The following CABIN1 variants were observed in gnomAD, a reference collection of about 807,000 sequenced individuals.
The protein encoded by CABIN1 is calcineurin binding protein 1.
CABIN1 carries 133 observed loss-of-function variants against 227.7 expected under a neutral mutation model. That is an observed-to-expected ratio of 0.58 (90% CI 0.51 to 0.67). The LOEUF is 0.67. CABIN1 is among the 30% of genes least tolerant of loss of function. The pLI, the probability that CABIN1 is intolerant of heterozygous loss-of-function variation, is 0.00. For synonymous variants in CABIN1, 1,086 were observed against 1,155.1 expected (o/e 0.94, Z 1.21); for missense variants, 2,408 against 2,852.5 (o/e 0.84, Z 3.55).
At chr22:24,076,101 C>A in intron 18 of CABIN1, 68 bp from the exon 19 acceptor site, 1 of 1,103,020 alleles carries the variant, frequency 9.1e-7, no homozygotes. Flanking sequence ...GAGACTGAGC[C>A]TCGCAGCCCC....
intron 24 of CABIN1, among the ~76,000 whole-genome samples, chr22:24,095,088 A>C (rs1483215360): frequency 6.6e-6 from 1 of 152,126 alleles, no homozygotes; most frequent in Non-Finnish European, 1.5e-5. Context: ...CTAGAGGTGG[A>C]GGGGCTCTGG....
chr22:24,169,835 G>T (rs2046685800), intron 33 of CABIN1, among the ~76,000 whole-genome samples: 1 of 152,246 alleles, frequency 6.6e-6, no homozygotes, highest in Non-Finnish European at 1.5e-5. Context: ...AGCGTGAGAA[G>T]AAAGGGCTAC....
intron 26 of CABIN1, among the ~76,000 whole-genome samples, chr22:24,108,008 G>T (rs1475733702): frequency 6.6e-6 from 1 of 152,246 alleles, no homozygotes; most frequent in African/African-American, 2.4e-5. Context: ...GGCCTCACGA[G>T]CATTGTCTAA....
At chr22:24,064,216 G>A in intron 15 of CABIN1, 29 bp downstream of exon 15, 4 of 1,612,976 alleles carry the variant, frequency 2.5e-6, no homozygotes, top group Non-Finnish European at 3.4e-6. Context: ...TTGTTTGTTT[G>A]TTTCCTGAGA....
At chr22:24,116,934 G>A (rs993014880) in intron 27 of CABIN1, among the ~76,000 whole-genome samples, 5 of 152,256 alleles carry the variant, frequency 3.3e-5, no homozygotes, top group African/African-American at 1.2e-4. Context: ...GGCTAGAGCA[G>A]CCAGAACACA....
chr22:24,094,787 G>A (rs1423209194), intron 24 of CABIN1, among the ~76,000 whole-genome samples: 9 of 140,882 alleles, frequency 6.4e-5, no homozygotes, highest in Non-Finnish European at 1.4e-4. Context: ...ACTGCAGTCC[G>A]CAGTCCGGCC....
chr22:24,071,721 C>T (rs531918958), intron 17 of CABIN1, among the ~76,000 whole-genome samples: 8 of 152,326 alleles, frequency 5.3e-5, no homozygotes, highest in African/African-American at 1.7e-4. Flanking sequence ...ATGTGCTTCT[C>T]CCTCACTTAA....
chr22:24,113,210 C>T (rs1331325293), intron 26 of CABIN1, among the ~76,000 whole-genome samples: 2 of 152,258 alleles, frequency 1.3e-5, no homozygotes, highest in Non-Finnish European at 2.9e-5. Context: ...CATTTGACAA[C>T]AGCACGTTGG....
chr22:24,036,186 G>A lies in CABIN1; in HGVS notation c.96+5G>A. On this transcript the variant is annotated splice_donor_5th_base_variant and intron_variant, in intron 3 of 36. Coordinates refer to ENST00000263119, the MANE Select transcript of CABIN1 (RefSeq NM_012295.4). Reference sequence around the variant, plus strand: ...ACCCAGACAAAGGAGGCTCAGGTACGTAATGCGAGGTCTTCTCTGTAGGTG... The same window carrying A: ...ACCCAGACAAAGGAGGCTCAGGTACATAATGCGAGGTCTTCTCTGTAGGTG... 1 of 1,592,748 alleles carries A rather than the reference G, an allele frequency of 6.3e-7. No homozygotes were observed. Among genetic ancestry groups the A allele is most frequent in the Non-Finnish European group, 8.6e-7 (1 of 1,160,744 alleles).
chr22:24,177,632 C>T lies in CABIN1; in HGVS notation c.6334C>T (p.Pro2112Ser), dbSNP rs1161485638. Residue 2112 changes from proline (P) to serine (S), a missense_variant, in exon 36 of 37, where the codon CCA (proline) becomes TCA (serine). By Grantham distance (74) the Pro-to-Ser change is moderately conservative. This residue lies in a region of CABIN1 where 714 missense variants were observed against 773.8 expected (regional missense o/e 0.92). Coordinates refer to ENST00000263119, the MANE Select transcript of CABIN1 (RefSeq NM_012295.4). The surrounding 1 kb of genome is among the most constrained non-coding windows in gnomAD (Gnocchi z 4.4). Reference sequence around the variant, plus strand: ...CCCCAGCAGTGGGAGTGCCCAGCCACCAGAGGGTCACCCAGGCAAGCCTGA... The same window carrying T: ...CCCCAGCAGTGGGAGTGCCCAGCCATCAGAGGGTCACCCAGGCAAGCCTGA... ...KAPSSGSAQP[P>S]EGHPGKPEPS... The T allele has an allele frequency of 8.7e-6, 14 of 1,613,600 alleles. No individual in the cohort carries two copies. The highest frequency in any genetic ancestry group is 1.7e-4 in the Middle Eastern group (1 of 6,048).
chr22:24,037,456 C>T (rs1269507517), intron 3 of CABIN1, among the ~76,000 whole-genome samples: 1 of 151,804 alleles, frequency 6.6e-6, no homozygotes, highest in Non-Finnish European at 1.5e-5. Context: ...GACACCAGGC[C>T]ACCATGCTCA....
intron 28 of CABIN1, among the ~76,000 whole-genome samples, chr22:24,131,650 C>T (rs139629028): frequency 2.7e-4 from 41 of 152,324 alleles, no homozygotes; most frequent in Non-Finnish European, 3.2e-4. Context: ...CAGCTTTGTG[C>T]AAACCACAGC....
At chr22:24,130,516 A>C (rs2044007359) in intron 28 of CABIN1, among the ~76,000 whole-genome samples, 1 of 152,126 alleles carries the variant, frequency 6.6e-6, no homozygotes, top group Non-Finnish European at 1.5e-5. Context: ...TGCTCAACCC[A>C]GGAGGCATCA....
At chr22:24,048,847 A>G (rs546794802) in intron 6 of CABIN1, among the ~76,000 whole-genome samples, 41 of 152,320 alleles carry the variant, frequency 2.7e-4, no homozygotes, top group Admixed American at 8.5e-4. Context: ...GTAATTGCCT[A>G]TGGTCCTCCA....
At chr22:24,113,445 GGC>G (rs1394827423) in intron 26 of CABIN1, 119 bp from the exon 27 acceptor site, 4 of 916,262 alleles carry the variant, frequency 4.4e-6, no homozygotes, top group Non-Finnish European at 7.3e-6. Flanking sequence ...GCTGTGTTCA[GGC>G]CATCTCCTGC....
chr22:24,153,241 G>C (rs1436337926), intron 29 of CABIN1, among the ~76,000 whole-genome samples: 1 of 152,214 alleles, frequency 6.6e-6, no homozygotes, highest in East Asian at 1.9e-4. Flanking sequence ...CTGTGGGTGA[G>C]CATGGCTGGG....
At chr22:24,062,928 G>C in intron 13 of CABIN1, 31 bp from the exon 14 acceptor site, 1 of 1,606,986 alleles carries the variant, frequency 6.2e-7, no homozygotes, top group Non-Finnish European at 8.5e-7. Flanking sequence ...TGCTACACAT[G>C]AAGTTGACTC....
chr22:24,075,825 A>C (rs2040401703), intron 18 of CABIN1, among the ~76,000 whole-genome samples: 1 of 152,036 alleles, frequency 6.6e-6, no homozygotes. Flanking sequence ...CTTTTCTCTC[A>C]TTCAAAATGC....
In CABIN1 at chr22:24,062,002, T is replaced by C; in HGVS notation, c.1673T>C (p.Leu558Pro). 6.2e-7 allele frequency: 1 copy of C among 1,614,026 alleles called. No homozygotes were observed. The highest frequency in any genetic ancestry group is 1.3e-5 in the African/African-American group (1 of 75,064). The stretch of plus-strand genomic sequence containing the variant: ...GAACTCCAGCTGGACCAGTGGCTGC[T>C]GACCAAAGGCAGAAGCTCTGCAGGT... Reference protein sequence around the residue: ...CMELQLDQWLLTKGRSSAVSP... With the variant: ...CMELQLDQWLPTKGRSSAVSP... Residue 558 changes from leucine to proline, a missense_variant, in exon 13 of 37, where the codon CTG becomes CCG. Leu to Pro is a moderately conservative substitution (Grantham distance 98). Transcript: ENST00000263119.
Sources: allele counts gnomAD v4.1 joint callset (sites outside exome capture counted in the v4.1 genomes callset), GRCh38; gene constraint gnomAD v4.1.1; regional missense constraint gnomAD v4.1.1; non-coding constraint Gnocchi (gnomAD v3.1); transcripts MANE v1.5; gene names NCBI Gene and HGNC (gene_info 2026-07-23, HGNC 2026-07-21).